KSR2: variants seen among roughly 807,000 people sequenced by gnomAD.
KSR2 encodes kinase suppressor of ras 2.
Under a neutral mutation model 107.8 loss-of-function variants are expected in KSR2, and 25 were observed. The ratio of observed to expected loss-of-function variants is 0.23; its 90% CI spans 0.17 to 0.32. The LOEUF (loss-of-function observed/expected upper bound fraction) is 0.32, where lower values mean the gene tolerates loss of function less well. KSR2 is among the 10% of genes least tolerant of loss of function. The probability of loss-of-function intolerance (pLI) is 1.00; values close to 1 mark genes in which losing one functional copy is unlikely to be tolerated. For synonymous variants in KSR2, 480 were observed against 507.0 expected (o/e 0.95, Z 0.71); for missense variants, 887 against 1,268.9 (o/e 0.70, Z 4.57).
chr12:117,555,351 C>T, intron 8 of KSR2, 58 bp from the exon 9 acceptor site: 8 of 1,593,060 alleles, frequency 5.0e-6, no homozygotes, highest in Non-Finnish European at 6.9e-6. Context: ...TTTGGTTATG[C>T]CAGGACGGCA....
At chr12:117,725,514 C>G (rs887126221) in intron 4 of KSR2, among the ~76,000 whole-genome samples, 1 of 152,160 alleles carries the variant, frequency 6.6e-6, no homozygotes, top group East Asian at 1.9e-4. Flanking sequence ...CCTTACTTTA[C>G]ATCATATGCA....
At chr12:117,574,741 G>A (rs926774329) in intron 7 of KSR2, among the ~76,000 whole-genome samples, 1 of 152,052 alleles carries the variant, frequency 6.6e-6, no homozygotes, top group African/African-American at 2.4e-5. Flanking sequence ...GGCAGGTCTG[G>A]AGTGGGCCCC....
At chr12:117,955,531 A>G (rs1206680425) in intron 1 of KSR2, among the ~76,000 whole-genome samples, 1 of 152,174 alleles carries the variant, frequency 6.6e-6, no homozygotes, top group African/African-American at 2.4e-5. Context: ...CTCACCTCAG[A>G]GCTCAAGCCC....
intron 14 of KSR2, among the ~76,000 whole-genome samples, chr12:117,515,377 C>T (rs1874302933): frequency 6.6e-6 from 1 of 152,214 alleles, no homozygotes; most frequent in African/African-American, 2.4e-5. Flanking sequence ...TCTGCTGCTA[C>T]ACTTGCCTAG....
chr12:117,683,214 T>A (rs1219678320), intron 4 of KSR2, among the ~76,000 whole-genome samples: 1 of 152,154 alleles, frequency 6.6e-6, no homozygotes, highest in Non-Finnish European at 1.5e-5. Flanking sequence ...ATATAAATAG[T>A]ATATGACATA....
intron 3 of KSR2, among the ~76,000 whole-genome samples, chr12:117,824,363 A>G (rs1312190803): frequency 1.3e-5 from 2 of 152,188 alleles, no homozygotes; most frequent in Non-Finnish European, 2.9e-5. Flanking sequence ...GTGTGACTAT[A>G]GGTTACAAGA....
intron 9 of KSR2, among the ~76,000 whole-genome samples, chr12:117,551,175 T>A (rs1877280050): frequency 6.6e-6 from 1 of 152,154 alleles, no homozygotes; most frequent in African/African-American, 2.4e-5. Context: ...CAGATGCTAC[T>A]GTTGCTGCTT....
At chr12:117,478,760 C>CT (rs559229078) in intron 16 of KSR2, among the ~76,000 whole-genome samples, 21 of 152,138 alleles carry the variant, frequency 1.4e-4, no homozygotes, top group Non-Finnish European at 2.8e-4. Flanking sequence ...TAGCCCTGAA[C>CT]TTTTCATTTT....
intron 13 of KSR2, among the ~76,000 whole-genome samples, chr12:117,525,824 G>C (rs1340923381): frequency 6.6e-6 from 1 of 152,196 alleles, no homozygotes; most frequent in Non-Finnish European, 1.5e-5. Context: ...GGAGAGGTCA[G>C]AGCTACAAGC....
intron 3 of KSR2, among the ~76,000 whole-genome samples, chr12:117,790,125 G>A (rs1890205639): frequency 2.0e-5 from 3 of 152,144 alleles, no homozygotes; most frequent in Admixed American, 1.3e-4. Context: ...TAAGAGTTGT[G>A]AGCCCAAATA....
chr12:117,961,997 T>C (rs73406701), intron 1 of KSR2, among the ~76,000 whole-genome samples: 2,545 of 151,794 alleles, frequency 0.017, 80 homozygotes, highest in African/African-American at 0.058. Flanking sequence ...ATTTTTAAAT[T>C]AGCTGGGTGC....
chr12:117,729,108 T>A (rs1247502447), intron 4 of KSR2, among the ~76,000 whole-genome samples: 1 of 151,912 alleles, frequency 6.6e-6, no homozygotes, highest in Non-Finnish European at 1.5e-5. Flanking sequence ...TCAAATGCCA[T>A]GGCTACAGAA....
chr12:117,821,026 T>C (rs561984029), intron 3 of KSR2, among the ~76,000 whole-genome samples: 18 of 152,200 alleles, frequency 1.2e-4, no homozygotes, highest in Non-Finnish European at 2.2e-4. Context: ...ACTCCTTCTC[T>C]GTGAGACTCT....
intron 4 of KSR2, among the ~76,000 whole-genome samples, chr12:117,747,320 A>G (rs1192625886): frequency 6.6e-6 from 1 of 152,040 alleles, no homozygotes; most frequent in African/African-American, 2.4e-5. Flanking sequence ...TTCTCAGCAA[A>G]CTAACACAGG....
intron 3 of KSR2, among the ~76,000 whole-genome samples, chr12:117,770,995 AAGAC>A (rs1889431445): frequency 6.6e-6 from 1 of 151,626 alleles, no homozygotes; most frequent in African/African-American, 2.4e-5. Flanking sequence ...AAAAAAAAAA[AAGAC>A]AGTTATCAAC....
At chr12:117,919,138 A>AAAATAAAT (rs968867686) in intron 1 of KSR2, among the ~76,000 whole-genome samples, 1 of 152,190 alleles carries the variant, frequency 6.6e-6, no homozygotes, top group Admixed American at 6.5e-5. Flanking sequence ...ACCTCATTTC[A>AAAATAAAT]AAATAAATAA....
intron 1 of KSR2, among the ~76,000 whole-genome samples, chr12:117,879,703 C>T (rs985356292): frequency 2.0e-5 from 3 of 150,052 alleles, no homozygotes; most frequent in African/African-American, 4.9e-5. Context: ...GGCGCCAGAG[C>T]GAGACCTTGT....
intron 3 of KSR2, among the ~76,000 whole-genome samples, chr12:117,772,588 C>A (rs1889537592): frequency 1.3e-5 from 2 of 149,654 alleles, no homozygotes; most frequent in Admixed American, 6.7e-5. Context: ...ACACACCATT[C>A]CCCCAAAGAC....
At chr12:117,740,165 T>C (rs1260316369) in intron 4 of KSR2, among the ~76,000 whole-genome samples, 4 of 150,796 alleles carry the variant, frequency 2.7e-5, no homozygotes, top group African/African-American at 7.3e-5. Context: ...CACTTATGAG[T>C]GAGAACATAC....
Sources: gnomAD v4.1 joint callset for allele counts (sites outside exome capture counted in the v4.1 genomes callset) on GRCh38, gnomAD v4.1.1 for gene constraint, MANE v1.5 for transcripts, NCBI Gene and HGNC (gene_info 2026-07-23, HGNC 2026-07-21) for gene names.